The following AMBRA1 variants were observed in gnomAD, a reference collection of about 807,000 sequenced individuals.
AMBRA1 encodes the protein autophagy and beclin 1 regulator 1.
A neutral mutation model predicts 125.4 loss-of-function variants in AMBRA1; 47 were observed. That is an observed-to-expected ratio of 0.37 (90% CI 0.30 to 0.48). The LOEUF (loss-of-function observed/expected upper bound fraction) is 0.48. AMBRA1 is among the 20% of genes least tolerant of loss of function. The pLI, the probability that AMBRA1 is intolerant of heterozygous loss-of-function variation, is 0.99. For synonymous variants in AMBRA1, 626 were observed against 655.5 expected (o/e 0.95, Z 0.69); for missense variants, 1,331 against 1,693.4 (o/e 0.79, Z 3.76).
intron 13 of AMBRA1, among the ~76,000 whole-genome samples, chr11:46,434,284 G>C (rs939198726): frequency 6.6e-6 from 1 of 151,432 alleles, no homozygotes; most frequent in East Asian, 1.9e-4. Context: ...GGCCAATGGA[G>C]CAGTTCTATC....
Position 46,397,561 on chromosome 11 carries a change from G to C in AMBRA1, c.3786C>G (p.Ser1262Arg). The C allele has an allele frequency of 4.4e-6, 7 of 1,573,848 alleles. No individual in the cohort carries two copies. Among genetic ancestry groups the C allele is most frequent in the Non-Finnish European group, 6.0e-6 (7 of 1,157,638 alleles). ...SPVPIPVSLP[S>R]AEGPTLHCEL... ...CGCAGTGGAGGGTTGGTCCCTCAGC[G>C]CTGGGAAGGGAAACAGGAATGGGGA... Residue 1262 changes from serine (S) to arginine (R), a missense_variant, in exon 18 of 18, where the codon AGC becomes AGG. Physicochemically the swap from Ser to Arg is moderately radical, Grantham distance 110. Around this residue, in one of 4 missense-constraint regions of AMBRA1, gnomAD observed 144 missense variants for 133.9 expected, o/e 1.08. Coordinates refer to ENST00000683756, the MANE Select transcript of AMBRA1 (RefSeq NM_001387011.1).
chr11:46,422,545 C>T (rs918192530), intron 14 of AMBRA1, among the ~76,000 whole-genome samples: 1 of 152,014 alleles, frequency 6.6e-6, no homozygotes, highest in Admixed American at 6.6e-5. Flanking sequence ...CTAAAAGTGT[C>T]TTGTTTCTTG....
chr11:46,554,740 C>T (rs1277713841), intron 1 of AMBRA1, among the ~76,000 whole-genome samples: 1 of 152,148 alleles, frequency 6.6e-6, no homozygotes, highest in Non-Finnish European at 1.5e-5. Context: ...GAGAAAATGC[C>T]AGTCAATTGT....
chr11:46,478,764 C>T (rs540680127), intron 11 of AMBRA1, among the ~76,000 whole-genome samples: 86 of 145,554 alleles, frequency 5.9e-4, no homozygotes, highest in African/African-American at 2.1e-3. Context: ...AAGCGATTCT[C>T]CTGCCTCAGC....
intron 11 of AMBRA1, among the ~76,000 whole-genome samples, chr11:46,477,499 G>GAA (rs982612219): frequency 6.8e-4 from 76 of 112,322 alleles, no homozygotes; most frequent in Middle Eastern, 4.9e-3. Flanking sequence ...CTAATTTCTG[G>GAA]AAAAAAAAAA....
chr11:46,545,001 C>A (rs1223393651), intron 5 of AMBRA1, among the ~76,000 whole-genome samples: 1 of 151,928 alleles, frequency 6.6e-6, no homozygotes, highest in Non-Finnish European at 1.5e-5. Context: ...GCTGCACACA[C>A]CTGTAGTCCC....
At chr11:46,490,685 C>T (rs566560760) in intron 11 of AMBRA1, among the ~76,000 whole-genome samples, 1 of 152,206 alleles carries the variant, frequency 6.6e-6, no homozygotes, top group African/African-American at 2.4e-5. Context: ...AAGCTTCATC[C>T]CTGCAAAAAG....
chr11:46,476,842 G>A (rs1298099735), intron 11 of AMBRA1, among the ~76,000 whole-genome samples: 1 of 152,172 alleles, frequency 6.6e-6, no homozygotes, highest in Non-Finnish European at 1.5e-5. Context: ...GCTGGGTGTG[G>A]TGCCTCACGC....
At chr11:46,593,751 C>T (rs2044691196) in intron 1 of AMBRA1, 77 bp downstream of exon 1, 3 of 389,536 alleles carry the variant, frequency 7.7e-6, no homozygotes, top group South Asian at 1.4e-4. Context: ...GCCTGCCCAC[C>T]CGCCGGCGCC....
intron 1 of AMBRA1, among the ~76,000 whole-genome samples, chr11:46,551,812 G>A (rs1455413416): frequency 6.6e-6 from 1 of 152,200 alleles, no homozygotes; most frequent in Non-Finnish European, 1.5e-5. Context: ...CGGATCACCT[G>A]AGGTCAGGAG....
intron 11 of AMBRA1, among the ~76,000 whole-genome samples, chr11:46,463,737 T>C (rs918089545): frequency 6.6e-6 from 1 of 152,206 alleles, no homozygotes; most frequent in African/African-American, 2.4e-5. Context: ...GAAGTCTACA[T>C]AGCACAGTAC....
intron 17 of AMBRA1, among the ~76,000 whole-genome samples, chr11:46,399,961 A>C (rs1237273080): frequency 1.3e-5 from 2 of 152,168 alleles, no homozygotes; most frequent in Non-Finnish European, 2.9e-5. Context: ...CCTTGAAAAA[A>C]ATCCCTAACA....
intron 1 of AMBRA1, among the ~76,000 whole-genome samples, chr11:46,563,936 G>A (rs1317614883): frequency 6.6e-6 from 1 of 150,902 alleles, no homozygotes; most frequent in Non-Finnish European, 1.5e-5. Flanking sequence ...CCTGAAGTCA[G>A]GAGTTTGAGA....
chr11:46,489,426 G>T (rs896032156), intron 11 of AMBRA1, among the ~76,000 whole-genome samples: 1 of 152,122 alleles, frequency 6.6e-6, no homozygotes, highest in Non-Finnish European at 1.5e-5. Flanking sequence ...TTACAGGCGT[G>T]AGCCACCGCA....
rs541199617 is a variant in AMBRA1, at chr11:46,548,042, T to A, written c.136-167A>T. 2.6e-5 allele frequency among the ~76,000 whole-genome samples: 4 copies of A among 152,298 alleles called. No individual in the cohort carries two copies. In the East Asian group the frequency reaches 7.7e-4, roughly 29 times the overall value. On this transcript the variant is annotated intron_variant, in intron 2 of 17. Coordinates refer to ENST00000683756, the MANE Select transcript of AMBRA1 (RefSeq NM_001387011.1). ...TGAGAGAGATAAACCTAAATTACCTTCAGGAAAACTGTCTAGCTCTAAAGG... is the reference window on the plus strand; with the variant it reads ...TGAGAGAGATAAACCTAAATTACCTACAGGAAAACTGTCTAGCTCTAAAGG...
chr11:46,437,343 C>T (rs1438173519), intron 12 of AMBRA1, among the ~76,000 whole-genome samples: 2 of 152,198 alleles, frequency 1.3e-5, no homozygotes, highest in African/African-American at 4.8e-5. Context: ...CCTGACTCCA[C>T]CCAACTTCAT....
chr11:46,532,452 TTTGAGATG>T (rs1238715862), intron 7 of AMBRA1, among the ~76,000 whole-genome samples: 5 of 152,198 alleles, frequency 3.3e-5, no homozygotes, highest in African/African-American at 9.6e-5. Flanking sequence ...GAAGAGTTCT[TTTGAGATG>T]TTGTTTCTCT....
At position 46,429,209 on chromosome 11, in the gene AMBRA1, G is replaced by A. The variant is rs187374375; in HGVS notation, c.2976+4265C>T. On this transcript the variant is annotated intron_variant, in intron 14 of 17. Transcript: ENST00000683756. ...TCCCCCTCTCCCTCGGACAATCTTC[G>A]CCTACCAGCGGCCCCCTACCCCATA... is the stretch of plus-strand genomic sequence containing the variant. 8,404 of 1,370,108 alleles carry A rather than the reference G, an allele frequency of 6.1e-3. 390 individuals are homozygous for A. The African/African-American group carries it at 0.11, about 18-fold the overall frequency. The allele number at this position is 1,370,108 out of a possible 1,614,324, so 84.9% of individuals were successfully genotyped here. A position where few individuals can be genotyped will look rare whatever the true frequency, so the allele number is the denominator to read the frequency against.
rs751444685 is a variant in AMBRA1, at chr11:46,512,826, A to T, written c.2073-13T>A. 3.1e-6 allele frequency: 5 copies of T among 1,602,216 alleles called. No individual in the cohort carries two copies. The highest frequency in any genetic ancestry group is 1.7e-4 in the Middle Eastern group (1 of 6,022). The stretch of plus-strand genomic sequence containing the variant: ...TTCCAGCAGCCTCCTAGCAGAGATT[A>T]AAAAAATGGCAATAATCCCTGTCAA... On this transcript the variant is annotated splice_polypyrimidine_tract_variant and intron_variant, in intron 7 of 17. Coordinates refer to ENST00000683756, the MANE Select transcript of AMBRA1 (RefSeq NM_001387011.1).
Sources: gnomAD v4.1 joint callset for allele counts (sites outside exome capture counted in the v4.1 genomes callset) on GRCh38, gnomAD v4.1.1 for gene constraint, gnomAD v4.1.1 regional missense constraint, MANE v1.5 for transcripts, NCBI Gene and HGNC (gene_info 2026-07-23, HGNC 2026-07-21) for gene names.